Variants in WDR17 observed in about 807,000 individuals in gnomAD.
The protein encoded by WDR17 is WD repeat domain 17.
Under a neutral mutation model 161.7 loss-of-function variants are expected in WDR17, and 143 were observed. The ratio of observed to expected loss-of-function variants is 0.88; its 90% CI spans 0.77 to 1.02. The LOEUF is 1.02. Among genes scored for constraint, WDR17 ranks in the 50% least tolerant of loss-of-function variants. The pLI is 0.00. For synonymous variants in WDR17, 517 were observed against 515.6 expected (o/e 1.00, Z -0.04); for missense variants, 1,469 against 1,520.9 (o/e 0.97, Z 0.57).
At chr4:176,138,646 G>A (rs1034276347) in intron 9 of WDR17, among the ~76,000 whole-genome samples, 3 of 151,580 alleles carry the variant, frequency 2.0e-5, no homozygotes, top group African/African-American at 7.3e-5. Flanking sequence ...GAAACTTATG[G>A]CCCAGATTCA....
chr4:176,088,113 C>A (rs575034835), intron 1 of WDR17, among the ~76,000 whole-genome samples: 3 of 151,930 alleles, frequency 2.0e-5, no homozygotes, highest in Admixed American at 2.0e-4. Context: ...CAAAGTGCTG[C>A]GATTACAGGC....
rs1360915114 is a variant in WDR17, at chr4:176,111,715, A to G, written c.123+12A>G. 6.5e-7 allele frequency: 1 copy of G among 1,545,272 alleles called. No homozygotes were observed. Among genetic ancestry groups the G allele is most frequent in the African/African-American group, 1.4e-5 (1 of 72,284 alleles). ...TCTATATTTATCAGGTAAAATAATA[A>G]TTCTTTTCCATTTTTAATTATATCC... On this transcript the variant is annotated intron_variant, in intron 2 of 28. Transcript: ENST00000508596.
At chr4:176,163,834 C>T (rs1229606632) in intron 22 of WDR17, among the ~76,000 whole-genome samples, 1 of 152,180 alleles carries the variant, frequency 6.6e-6, no homozygotes, top group African/African-American at 2.4e-5. Context: ...ATCTGCAGAG[C>T]CCTGGCCTTA....
chr4:176,175,791 C>T (rs1163214579), intron 26 of WDR17, among the ~76,000 whole-genome samples: 2 of 152,132 alleles, frequency 1.3e-5, no homozygotes, highest in Non-Finnish European at 2.9e-5. Flanking sequence ...GATCTCCTGA[C>T]CTCGTGATCT....
rs1484396728 is a variant in WDR17 at position 176,070,936 on chromosome 4, T to C, written c.-7+4857T>C. The stretch of plus-strand genomic sequence containing the variant: ...ATTTTTAACACCTTTTCCCAGAACA[T>C]GAATATGCCAGCATTAAGTGACTTT... On this transcript the variant is annotated intron_variant, in intron 1 of 28. Coordinates refer to ENST00000508596, the MANE Select transcript of WDR17 (RefSeq NM_181265.4). Among the ~76,000 whole-genome samples, 5 of 152,194 alleles carry C rather than the reference T, an allele frequency of 3.3e-5. No individual in the cohort carries two copies. The East Asian group carries it at 9.6e-4, about 29-fold the overall frequency.
At chr4:176,144,319 G>T (rs1745810604) in intron 11 of WDR17, among the ~76,000 whole-genome samples, 1 of 152,058 alleles carries the variant, frequency 6.6e-6, no homozygotes, top group African/African-American at 2.4e-5. Flanking sequence ...TTGCATATTG[G>T]CTGTCTCACC....
intron 20 of WDR17, 109 bp downstream of exon 20, chr4:176,161,111 C>A: frequency 2.6e-6 from 2 of 761,792 alleles, no homozygotes; most frequent in Non-Finnish European, 4.0e-6. Flanking sequence ...GACTTGACTG[C>A]CTCAACCGCA....
rs200417101 is a variant in WDR17 at position 176,135,080 on chromosome 4, T to C, written c.1099-28T>C. ...TAATAATGTGAATTTTCCTCAATAA[T>C]TATGACTTTTTTATGCCATATTCCT... is the stretch of plus-strand genomic sequence containing the variant. On this transcript the variant is annotated intron_variant, in intron 7 of 28. Coordinates refer to ENST00000508596, the MANE Select transcript of WDR17 (RefSeq NM_181265.4). The C allele has an allele frequency of 3.1e-6, 5 of 1,606,244 alleles. No homozygotes were observed. In the East Asian group the frequency reaches 1.1e-4, roughly 36 times the overall value.
intron 22 of WDR17, among the ~76,000 whole-genome samples, chr4:176,167,240 A>C (rs1308870188): frequency 6.6e-6 from 1 of 152,184 alleles, no homozygotes; most frequent in Admixed American, 6.5e-5. Context: ...AAAGAAGATG[A>C]AGTGTAGGGT....
intron 1 of WDR17, among the ~76,000 whole-genome samples, chr4:176,078,607 T>A (rs1734352987): frequency 1.3e-5 from 2 of 152,104 alleles, no homozygotes; most frequent in South Asian, 4.1e-4. Flanking sequence ...ACTTTGAATC[T>A]TGAAACTTGT....
chr4:176,168,512 A>G, intron 22 of WDR17, 160 bp from the exon 23 acceptor site: 4 of 752,424 alleles, frequency 5.3e-6, no homozygotes, highest in Non-Finnish European at 8.2e-6. Flanking sequence ...GGTAATCTGC[A>G]TTTACAGTAG....
chr4:176,076,376 T>TG lies in WDR17; in HGVS notation c.-7+10297_-7+10298insG, dbSNP rs886600426. ...TTTTGATCTGCCTATTTAGAGTCTTTTTTTAACCCAGTAAATGAGTTGTCG... is the reference window on the plus strand; with the variant it reads ...TTTTGATCTGCCTATTTAGAGTCTTTGTTTTAACCCAGTAAATGAGTTGTCG... On this transcript the variant is annotated intron_variant, in intron 1 of 28. Coordinates refer to ENST00000508596, the MANE Select transcript of WDR17 (RefSeq NM_181265.4). 1.6e-3 allele frequency among the ~76,000 whole-genome samples: 19 copies of TG among 11,896 alleles called. No homozygotes were observed. The Non-Finnish European group carries it at 0.066, about 41-fold the overall frequency. 7.8% of individuals were successfully genotyped at this position (11,896 alleles called of 152,430 possible).
At chr4:176,167,079 T>C (rs915051214) in intron 22 of WDR17, among the ~76,000 whole-genome samples, 2 of 152,204 alleles carry the variant, frequency 1.3e-5, no homozygotes, top group Admixed American at 1.3e-4. Flanking sequence ...TATTTTTTAC[T>C]TTTAGTAAAA....
At chr4:176,123,195 G>A (rs1452140826) in intron 4 of WDR17, among the ~76,000 whole-genome samples, 1 of 152,110 alleles carries the variant, frequency 6.6e-6, no homozygotes, top group Non-Finnish European at 1.5e-5. Flanking sequence ...TTTATTTTAG[G>A]AATGTTGTTG....
chr4:176,094,470 T>C (rs1415645849), intron 1 of WDR17, among the ~76,000 whole-genome samples: 1 of 152,202 alleles, frequency 6.6e-6, no homozygotes, highest in East Asian at 1.9e-4. Context: ...GACATTTAAT[T>C]TGAGTCTTGA....
intron 1 of WDR17, among the ~76,000 whole-genome samples, chr4:176,069,599 A>C (rs1205279064): frequency 6.6e-6 from 1 of 152,132 alleles, no homozygotes; most frequent in African/African-American, 2.4e-5. Flanking sequence ...GAGGTCCTTA[A>C]ACAATTTTTC....
At chr4:176,079,282 T>C (rs1448922660) in intron 1 of WDR17, among the ~76,000 whole-genome samples, 3 of 152,184 alleles carry the variant, frequency 2.0e-5, no homozygotes, top group African/African-American at 7.2e-5. Flanking sequence ...TGATGGACTT[T>C]ACGTTTGATC....
At chr4:176,071,448 G>A (rs7699586) in intron 1 of WDR17, among the ~76,000 whole-genome samples, 100 of 152,002 alleles carry the variant, frequency 6.6e-4, no homozygotes, top group African/African-American at 2.2e-3. Flanking sequence ...TCAGCCTCCT[G>A]AGTAGCTGGG....
At chr4:176,093,828 A>C (rs1736442280) in intron 1 of WDR17, among the ~76,000 whole-genome samples, 1 of 152,202 alleles carries the variant, frequency 6.6e-6, no homozygotes, top group Non-Finnish European at 1.5e-5. Flanking sequence ...TCATATAATC[A>C]AAATACCTGG....
Sources: allele counts gnomAD v4.1 joint callset (sites outside exome capture counted in the v4.1 genomes callset), GRCh38; gene constraint gnomAD v4.1.1; transcripts MANE v1.5; gene names NCBI Gene and HGNC (gene_info 2026-07-23, HGNC 2026-07-21).